Variants in SLC5A1 observed in about 807,000 individuals in gnomAD.
SLC5A1 encodes sodium/glucose cotransporter 1.
A neutral mutation model predicts 73.5 loss-of-function variants in SLC5A1; 42 were observed. That is an observed-to-expected ratio of 0.57 (90% CI 0.45 to 0.74). The LOEUF is 0.74. Among genes scored for constraint, SLC5A1 ranks in the 30% least tolerant of loss-of-function variants. The probability of loss-of-function intolerance (pLI) is 0.00; values close to 1 mark genes in which losing one functional copy is unlikely to be tolerated. For missense variants in SLC5A1, 634 were observed against 855.4 expected (o/e 0.74, Z 3.23); for synonymous variants, 300 against 317.4 (o/e 0.95, Z 0.58).
intron 2 of SLC5A1, among the ~76,000 whole-genome samples, chr22:32,055,544 C>T (rs1378506614): frequency 3.9e-5 from 6 of 152,160 alleles, no homozygotes; most frequent in Non-Finnish European, 8.8e-5. Context: ...CCTGAGTTTA[C>T]AGTGGGATGG....
At chr22:32,047,361 C>T (rs1266626352) in intron 1 of SLC5A1, among the ~76,000 whole-genome samples, 1 of 151,270 alleles carries the variant, frequency 6.6e-6, no homozygotes, top group Non-Finnish European at 1.5e-5. Flanking sequence ...CCTCTAAGCT[C>T]TTCATTTCTG....
intron 10 of SLC5A1, among the ~76,000 whole-genome samples, chr22:32,088,314 G>A (rs193222713): frequency 1.0e-3 from 154 of 151,834 alleles, no homozygotes; most frequent in Non-Finnish European, 2.0e-3. Context: ...GCTGTAATCT[G>A]GCTTCAGTAA....
At chr22:32,044,004 G>A (rs11089532) in intron 1 of SLC5A1, among the ~76,000 whole-genome samples, 8,132 of 152,242 alleles carry the variant, frequency 0.053, 215 homozygotes, top group South Asian at 0.081. Context: ...TGGAAAAGGA[G>A]GAGGAGGAAG....
At chr22:32,109,096 C>T (rs2094051534) in intron 14 of SLC5A1, among the ~76,000 whole-genome samples, 1 of 152,106 alleles carries the variant, frequency 6.6e-6, no homozygotes. Context: ...ATCATTTGAG[C>T]CCAGGAGTTC....
At position 32,113,009 on chromosome 22, in the gene SLC5A1, T is replaced by A. The variant is rs1210290315; in HGVS notation, c.*2796T>A. The A allele has an allele frequency of 6.6e-6, 1 of 152,028 alleles. No individual in the cohort carries two copies. The highest frequency in any genetic ancestry group is 1.9e-4 in the East Asian group (1 of 5,194). 9.4% of individuals were successfully genotyped at this position (152,028 alleles called of 1,614,324 possible). A position where few individuals can be genotyped will look rare whatever the true frequency, so the allele number is the denominator to read the frequency against. On this transcript the variant is annotated 3_prime_UTR_variant, in exon 15 of 15. Transcript: ENST00000266088. ...AATTATTATTTGTGAATTTAAAAAA[T>A]AAAAATAATTTCCAAAAAAAGTGAC...
rs941394348 is a variant in SLC5A1 at position 32,110,126 on chromosome 22, T to G, written c.1908T>G (p.Ser636=). The part of the protein sequence containing the change: ...KAMKMKMTDT[S]EKPLWRTVLN... Reference sequence around the variant, plus strand: ...TGAAGATGAAGATGACGGACACCTCTGAGAAGCCTTTGTGGAGGACAGTGT... The same window carrying G: ...TGAAGATGAAGATGACGGACACCTCGGAGAAGCCTTTGTGGAGGACAGTGT... The change falls in exon 15 of 15, where the codon TCT becomes TCG. Residue 636 remains serine, a synonymous_variant. Transcript: ENST00000266088. 1 of 1,614,070 alleles carries G rather than the reference T, an allele frequency of 6.2e-7. No individual in the cohort carries two copies. Among genetic ancestry groups the G allele is most frequent in the African/African-American group, 1.3e-5 (1 of 74,940 alleles).
chr22:32,047,519 CA>C (rs966183946), intron 1 of SLC5A1, among the ~76,000 whole-genome samples: 1 of 152,034 alleles, frequency 6.6e-6, no homozygotes, highest in Non-Finnish European at 1.5e-5. Flanking sequence ...TTGCTATTCC[CA>C]AAAAAACTGC....
intron 5 of SLC5A1, among the ~76,000 whole-genome samples, chr22:32,078,110 T>C (rs1969139008): frequency 6.6e-6 from 1 of 152,268 alleles, no homozygotes; most frequent in Middle Eastern, 3.4e-3. Flanking sequence ...GTTTTCATAA[T>C]TATTATTTTT....
chr22:32,069,531 G>C (rs2093979465), intron 5 of SLC5A1, among the ~76,000 whole-genome samples: 1 of 150,770 alleles, frequency 6.6e-6, no homozygotes, highest in African/African-American at 2.4e-5. Flanking sequence ...AAAAAAAAAA[G>C]ATTTTTAAGT....
rs1401198046 is a variant in SLC5A1 at position 32,043,516 on chromosome 22, G to A, written c.135+100G>A. On this transcript the variant is annotated intron_variant, in intron 1 of 14. Coordinates refer to ENST00000266088, the MANE Select transcript of SLC5A1 (RefSeq NM_000343.4). This position sits in a 1 kb window ranked among gnomAD's most constrained non-coding sequence, Gnocchi z 6.5. ...GGGGCAGTAGGCTTAAGTGTCGGTG[G>A]AGGGGAGAGGAAATGACTTGGAAGC... 4 of 1,311,788 alleles carry A rather than the reference G, an allele frequency of 3.0e-6. No homozygotes were observed. Among genetic ancestry groups the A allele is most frequent in the Non-Finnish European group, 4.3e-6 (4 of 925,768 alleles). 81.3% of individuals were successfully genotyped at this position (1,311,788 alleles called of 1,614,324 possible).
chr22:32,068,493 C>T lies in SLC5A1; in HGVS notation c.373-3C>T. 1 of 1,607,384 alleles carries T rather than the reference C, an allele frequency of 6.2e-7. No individual in the cohort carries two copies. Among genetic ancestry groups the T allele is most frequent in the African/African-American group, 1.3e-5 (1 of 74,882 alleles). On this transcript the variant is annotated splice_region_variant and splice_polypyrimidine_tract_variant and intron_variant, in intron 4 of 14. Transcript: ENST00000266088. ...GCAGTGACCTCCCTCGCACCCCATG[C>T]AGGTGGTGACAATGCCAGAGTACCT...
At chr22:32,075,031 A>G (rs1188897769) in intron 5 of SLC5A1, among the ~76,000 whole-genome samples, 1 of 148,672 alleles carries the variant, frequency 6.7e-6, no homozygotes, top group Non-Finnish European at 1.5e-5. Flanking sequence ...TGAGTAGCTG[A>G]GACTACATCC....
At chr22:32,096,985 C>A (rs2094027309) in intron 11 of SLC5A1, among the ~76,000 whole-genome samples, 1 of 152,248 alleles carries the variant, frequency 6.6e-6, no homozygotes. Context: ...TAGAAAGTAG[C>A]ACTGTTACCT....
At chr22:32,066,803 A>G in intron 2 of SLC5A1, 132 bp from the exon 3 acceptor site, 1 of 699,874 alleles carries the variant, frequency 1.4e-6, no homozygotes, top group Non-Finnish European at 2.7e-6. Flanking sequence ...TGATTCCAGC[A>G]CAGTTTTCTC....
At position 32,109,987 on chromosome 22, in the gene SLC5A1, C is replaced by G. The variant is rs767953840; in HGVS notation, c.1772-3C>G. 6.2e-7 allele frequency: 1 copy of G among 1,613,500 alleles called. No homozygotes were observed. Among genetic ancestry groups the G allele is most frequent in the Non-Finnish European group, 8.5e-7 (1 of 1,179,552 alleles). ...CCAATAATTCTTCTATGCCTTTGCC[C>G]AGAAACACAAGTTCCTGAGAAGAAA... On this transcript the variant is annotated splice_region_variant and splice_polypyrimidine_tract_variant and intron_variant, in intron 14 of 14. Coordinates refer to ENST00000266088, the MANE Select transcript of SLC5A1 (RefSeq NM_000343.4).
Position 32,089,251 on chromosome 22 carries a change from G to A in SLC5A1, c.1130-2361G>A, listed in dbSNP as rs568731071. ...ATAACTTCTATATCTCTGATAGTTT[G>A]TGATCTATACCACACAAACTCAGAA... On this transcript the variant is annotated intron_variant, in intron 10 of 14. Transcript: ENST00000266088. Among the ~76,000 whole-genome samples, 7 of 152,230 alleles carry A rather than the reference G, an allele frequency of 4.6e-5. 1 individual carries two copies. In the South Asian group the frequency reaches 1.2e-3, roughly 27 times the overall value.
At chr22:32,082,047 G>C (rs571126613) in intron 6 of SLC5A1, 76 bp downstream of exon 6, 3 of 951,804 alleles carry the variant, frequency 3.2e-6, no homozygotes, top group Admixed American at 3.4e-5. Flanking sequence ...AGGGAAGTAG[G>C]AGAGGTGGTT....
intron 11 of SLC5A1, among the ~76,000 whole-genome samples, chr22:32,096,386 G>A (rs1414095680): frequency 6.6e-6 from 1 of 152,114 alleles, no homozygotes; most frequent in Non-Finnish European, 1.5e-5. Flanking sequence ...AGCCAACTGA[G>A]CCCTTGTCCA....
Position 32,086,465 on chromosome 22 carries a change from G to A in SLC5A1, c.1129+138G>A, listed in dbSNP as rs554668178. The A allele has an allele frequency of 4.3e-6, 3 of 697,988 alleles. No individual in the cohort carries two copies. In the East Asian group the frequency reaches 8.4e-5, roughly 19 times the overall value. 43.2% of individuals were successfully genotyped at this position (697,988 alleles called of 1,614,324 possible). On this transcript the variant is annotated intron_variant, in intron 10 of 14. Transcript: ENST00000266088. Reference sequence around the variant, plus strand: ...GTTAGAAGGGAAAGCATCATTGTGGGTGTCCTCAGTTTTTGGACATGTCCT... The same window carrying A: ...GTTAGAAGGGAAAGCATCATTGTGGATGTCCTCAGTTTTTGGACATGTCCT...
Sources: gnomAD v4.1 joint callset for allele counts (sites outside exome capture counted in the v4.1 genomes callset) on GRCh38, gnomAD v4.1.1 for gene constraint, Gnocchi (gnomAD v3.1) non-coding constraint, MANE v1.5 for transcripts, NCBI Gene and HGNC (gene_info 2026-07-23, HGNC 2026-07-21) for gene names.